WDFY3: variants seen among roughly 807,000 people sequenced by gnomAD.
WDFY3 encodes WD repeat and FYVE domain-containing protein 3.
Under a neutral mutation model 409.6 loss-of-function variants are expected in WDFY3, and 66 were observed. The observed-to-expected ratio is 0.16, with a 90% CI of 0.13 to 0.20. WDFY3 has a LOEUF of 0.20. WDFY3 is among the 10% of genes least tolerant of loss of function. WDFY3 has a pLI of 1.00. For synonymous variants in WDFY3, 1,521 were observed against 1,537.1 expected (o/e 0.99, Z 0.25); for missense variants, 3,031 against 4,298.1 (o/e 0.71, Z 8.24).
At chr4:84,841,962 C>T (rs900630835) in intron 5 of WDFY3, among the ~76,000 whole-genome samples, 3 of 152,034 alleles carry the variant, frequency 2.0e-5, no homozygotes, top group Non-Finnish European at 2.9e-5. Flanking sequence ...AGAGGAATAA[C>T]TTGAGTAGCT....
intron 32 of WDFY3, among the ~76,000 whole-genome samples, chr4:84,759,980 C>G (rs1322328377): frequency 4.6e-5 from 7 of 151,838 alleles, no homozygotes; most frequent in African/African-American, 1.5e-4. Context: ...TACGTCCCAT[C>G]AACACCTAAT....
At chr4:84,742,380 A>C (rs1246409635) in intron 37 of WDFY3, among the ~76,000 whole-genome samples, 1 of 152,226 alleles carries the variant, frequency 6.6e-6, no homozygotes, top group Non-Finnish European at 1.5e-5. Context: ...GTGAAAAATA[A>C]AGTATAATCA....
Position 84,678,142 on chromosome 4 carries a change from G to A in WDFY3, c.10259+26C>T, listed in dbSNP as rs200492703. On this transcript the variant is annotated intron_variant, in intron 66 of 67. Coordinates refer to ENST00000295888, the MANE Select transcript of WDFY3 (RefSeq NM_014991.6). ...TAACCAAATGACTCAGATGGGAAGC[G>A]GAGCTGGAAAAAGCCTGACACTTAC... 84 of 1,578,156 alleles carry A rather than the reference G, an allele frequency of 5.3e-5. No individual in the cohort carries two copies. The South Asian group carries it at 5.6e-4, about 11-fold the overall frequency.
At chr4:84,884,858 G>GA (rs1763981497) in intron 3 of WDFY3, among the ~76,000 whole-genome samples, 1 of 152,124 alleles carries the variant, frequency 6.6e-6, no homozygotes, top group African/African-American at 2.4e-5. Context: ...AAATGGTACT[G>GA]AGAAACTAAC....
At chr4:84,935,515 C>T (rs945420237) in intron 1 of WDFY3, among the ~76,000 whole-genome samples, 1 of 152,116 alleles carries the variant, frequency 6.6e-6, no homozygotes, top group Non-Finnish European at 1.5e-5. Context: ...GTATGAAATG[C>T]CTATTCATAT....
intron 3 of WDFY3, among the ~76,000 whole-genome samples, chr4:84,891,891 T>C (rs1486202941): frequency 2.0e-5 from 3 of 152,100 alleles, no homozygotes; most frequent in Admixed American, 6.6e-5. Flanking sequence ...TCTCCAGGCA[T>C]TGAAAAGTCA....
At chr4:84,691,491 GAAA>G in intron 60 of WDFY3, 137 bp downstream of exon 60, 1 of 869,418 alleles carries the variant, frequency 1.2e-6, no homozygotes, top group South Asian at 2.1e-5. Flanking sequence ...CCCCAAATAG[GAAA>G]GCTCACTTTT....
At chr4:84,871,545 A>T (rs1332235118) in intron 3 of WDFY3, among the ~76,000 whole-genome samples, 2 of 152,200 alleles carry the variant, frequency 1.3e-5, no homozygotes, top group Non-Finnish European at 2.9e-5. Flanking sequence ...AGAAAAAATG[A>T]TAGGGGTCAG....
At chr4:84,894,289 G>A (rs1450787483) in intron 3 of WDFY3, among the ~76,000 whole-genome samples, 3 of 152,066 alleles carry the variant, frequency 2.0e-5, no homozygotes, top group African/African-American at 7.2e-5. Flanking sequence ...TTTAAATAAC[G>A]GTCAAATTGT....
intron 45 of WDFY3, among the ~76,000 whole-genome samples, chr4:84,724,797 A>G (rs1381015330): frequency 6.6e-6 from 1 of 152,192 alleles, no homozygotes; most frequent in Non-Finnish European, 1.5e-5. Context: ...GACATACATA[A>G]AACAACAATA....
intron 27 of WDFY3, 86 bp from the exon 28 acceptor site, chr4:84,775,224 A>T: frequency 1.0e-6 from 1 of 1,000,004 alleles, no homozygotes; most frequent in Non-Finnish European, 1.5e-6. Context: ...AGCACATGGA[A>T]CTTATTTCAC....
At chr4:84,966,024 C>T (rs1775667190) in intron 1 of WDFY3, among the ~76,000 whole-genome samples, 185 bp downstream of exon 1, 2 of 151,908 alleles carry the variant, frequency 1.3e-5, no homozygotes, top group East Asian at 1.9e-4. Flanking sequence ...CGGCGGCTCC[C>T]GGCCAAGGCG....
At chr4:84,821,688 G>C in intron 10 of WDFY3, 137 bp from the exon 11 acceptor site, 3 of 725,176 alleles carry the variant, frequency 4.1e-6, no homozygotes, top group Non-Finnish European at 6.4e-6. Context: ...TTCACAAAAG[G>C]TCTTATTTTT....
At chr4:84,875,415 G>A (rs1560979632) in intron 3 of WDFY3, among the ~76,000 whole-genome samples, 1 of 152,164 alleles carries the variant, frequency 6.6e-6, no homozygotes, top group Non-Finnish European at 1.5e-5. Context: ...GAGTCAGTGA[G>A]TGAGCAGTGA....
intron 7 of WDFY3, among the ~76,000 whole-genome samples, chr4:84,835,585 T>C (rs568218645): frequency 1.3e-5 from 2 of 152,346 alleles, no homozygotes; most frequent in African/African-American, 4.8e-5. Flanking sequence ...ATAAACATAC[T>C]GATTTAGTAT....
At chr4:84,821,618 G>C in intron 10 of WDFY3, 67 bp from the exon 11 acceptor site, 2 of 1,257,244 alleles carry the variant, frequency 1.6e-6, no homozygotes, top group Non-Finnish European at 2.2e-6. Context: ...AAACTAGTCT[G>C]TTTAAACACA....
intron 40 of WDFY3, among the ~76,000 whole-genome samples, chr4:84,738,526 C>T (rs1159771460): frequency 3.3e-5 from 5 of 150,680 alleles, no homozygotes; most frequent in Non-Finnish European, 7.4e-5. Context: ...CACTTGAACC[C>T]GAAAGGTAAA....
chr4:84,925,884 T>C (rs986428966), intron 2 of WDFY3, among the ~76,000 whole-genome samples: 12 of 152,040 alleles, frequency 7.9e-5, no homozygotes, highest in African/African-American at 2.9e-4. Context: ...TTGGTAATTA[T>C]TGAATCAAGG....
At chr4:84,934,202 C>CA (rs1771124893) in intron 1 of WDFY3, among the ~76,000 whole-genome samples, 1 of 152,028 alleles carries the variant, frequency 6.6e-6, no homozygotes, top group Non-Finnish European at 1.5e-5. Context: ...CTGTCTTTTG[C>CA]ATAAAAGCCA....
Sources: gnomAD v4.1 joint callset for allele counts (sites outside exome capture counted in the v4.1 genomes callset) on GRCh38, gnomAD v4.1.1 for gene constraint, MANE v1.5 for transcripts, NCBI Gene and HGNC (gene_info 2026-07-23, HGNC 2026-07-21) for gene names.